The following OTUD7B variants were observed in gnomAD, a reference collection of about 807,000 sequenced individuals.
OTUD7B encodes the protein OTU deubiquitinase 7B.
In OTUD7B, 34 loss-of-function variants were observed where a neutral mutation model predicts 82.2. The ratio of observed to expected loss-of-function variants is 0.41; its 90% CI spans 0.31 to 0.55. The LOEUF (loss-of-function observed/expected upper bound fraction) is 0.55, where lower values mean the gene tolerates loss of function less well. Among genes scored for constraint, OTUD7B ranks in the 20% least tolerant of loss-of-function variants. OTUD7B has a pLI of 0.20. For missense variants in OTUD7B, 944 were observed against 1,062.1 expected (o/e 0.89, Z 1.55); for synonymous variants, 398 against 402.7 (o/e 0.99, Z 0.14).
intron 4 of OTUD7B, among the ~76,000 whole-genome samples, chr1:149,966,481 C>T (rs1182195310): frequency 6.6e-6 from 1 of 152,132 alleles, no homozygotes; most frequent in Non-Finnish European, 1.5e-5. Context: ...CATGTCATCA[C>T]GTGTGGGGTG....
upstream of OTUD7B, among the ~76,000 whole-genome samples, chr1:150,014,792 T>C (rs1275774207): frequency 6.6e-6 from 1 of 152,072 alleles, no homozygotes; most frequent in Non-Finnish European, 1.5e-5. Flanking sequence ...GAGGTGAAGA[T>C]CAAATAGGAA....
At chr1:150,055,199 G>C in the OTUD7B span, among the ~76,000 whole-genome samples, 1 of 151,672 alleles carries the variant, frequency 6.6e-6, no homozygotes, top group Non-Finnish European at 1.5e-5. Context: ...CACCACGCCC[G>C]GCTAATTTTT....
chr1:149,987,232 A>G (rs782552800), intron 1 of OTUD7B, among the ~76,000 whole-genome samples: 1 of 152,224 alleles, frequency 6.6e-6, no homozygotes, highest in South Asian at 2.1e-4. Flanking sequence ...CTGACTCCAG[A>G]GAACATACGC....
At chr1:150,014,025 CGT>C (rs1559875038), upstream of OTUD7B, among the ~76,000 whole-genome samples, 12 of 109,368 alleles carry the variant, frequency 1.1e-4, no homozygotes, top group Non-Finnish European at 2.3e-4. Context: ...CACATATATA[CGT>C]ATATATACGT....
At chr1:150,027,414 C>T in the OTUD7B span, among the ~76,000 whole-genome samples, 1 of 151,972 alleles carries the variant, frequency 6.6e-6, no homozygotes. Context: ...GGTGACATCC[C>T]GTCTCTACTA....
At chr1:150,059,616 C>T in the OTUD7B span, among the ~76,000 whole-genome samples, 8 of 151,574 alleles carry the variant, frequency 5.3e-5, no homozygotes, top group South Asian at 2.1e-4. Flanking sequence ...ATGATCTGCC[C>T]GCCTCAGCCT....
At chr1:149,963,462 G>A (rs1056431040) in intron 6 of OTUD7B, 10 of 152,216 alleles carry the variant, frequency 6.6e-5, no homozygotes, top group African/African-American at 2.4e-4. Flanking sequence ...TGTTACTACT[G>A]TGCTGCTGGA....
chr1:150,032,953 G>A, the OTUD7B span, among the ~76,000 whole-genome samples: 27 of 152,152 alleles, frequency 1.8e-4, no homozygotes, highest in Non-Finnish European at 2.4e-4. Flanking sequence ...ACAACTGAAG[G>A]CATTTGAGTT....
the OTUD7B span, among the ~76,000 whole-genome samples, chr1:150,029,944 A>T: frequency 6.6e-6 from 1 of 152,126 alleles, no homozygotes. Context: ...TATCTAGAAG[A>T]GCCCAGGTCC....
rs1553771491 is a variant in OTUD7B, at chr1:149,944,533, T to C, written c.1856A>G (p.His619Arg). 1.2e-6 allele frequency: 2 copies of C among 1,614,128 alleles called. No homozygotes were observed. The highest frequency in any genetic ancestry group is 2.7e-5 in the African/African-American group (2 of 75,038). Residue 619 changes from histidine (H) to arginine (R), a missense_variant, in exon 12 of 12, where the codon CAC (histidine) becomes CGC (arginine). Physicochemically the swap from His to Arg is conservative, Grantham distance 29. Transcript: ENST00000581312. ...FIFVGTLKMG[H>R]RHQYQEEMIQ... Reference sequence around the variant, plus strand: ...CATTTCCTCCTGATACTGGTGACGGTGACCCATCTTCAGGGTTCCAACAAA... The same window carrying C: ...CATTTCCTCCTGATACTGGTGACGGCGACCCATCTTCAGGGTTCCAACAAA...
the OTUD7B span, among the ~76,000 whole-genome samples, chr1:150,057,800 T>C: frequency 6.6e-6 from 1 of 152,242 alleles, no homozygotes; most frequent in African/African-American, 2.4e-5. Context: ...CTTTTCATTA[T>C]CATAATGTTT....
chr1:150,019,948 G>A, the OTUD7B span, among the ~76,000 whole-genome samples: 1 of 151,618 alleles, frequency 6.6e-6, no homozygotes, highest in African/African-American at 2.4e-5. Flanking sequence ...ACCAACCTGG[G>A]CAATGTAGTG....
chr1:149,959,537 A>G (rs893145376), intron 7 of OTUD7B, 147 bp downstream of exon 7: 1 of 619,898 alleles, frequency 1.6e-6, no homozygotes, highest in South Asian at 2.0e-5. Flanking sequence ...TAAACATATC[A>G]TGTTGTTACA....
chr1:149,977,793 A>G (rs1456833885), intron 1 of OTUD7B, among the ~76,000 whole-genome samples: 1 of 152,226 alleles, frequency 6.6e-6, no homozygotes, highest in East Asian at 1.9e-4. Context: ...AACCTGTAAT[A>G]CCACTCTGAA....
At chr1:150,023,519 A>C in the OTUD7B span, among the ~76,000 whole-genome samples, 1 of 152,216 alleles carries the variant, frequency 6.6e-6, no homozygotes, top group Non-Finnish European at 1.5e-5. Flanking sequence ...GGCTAAGTGA[A>C]GTGAGTCAGG....
At chr1:149,950,785 TTTTGTTTTTTTTTC>T (rs1349033496) in intron 7 of OTUD7B, among the ~76,000 whole-genome samples, 2 of 176 alleles carry the variant, frequency 0.011, no homozygotes, top group Non-Finnish European at 0.022. Context: ...CCCGTGTGTT[TTTTGTTTTTTTTTC>T]TTTTTTTTTT....
the OTUD7B span, among the ~76,000 whole-genome samples, chr1:150,065,156 C>T: frequency 6.6e-6 from 1 of 151,806 alleles, no homozygotes; most frequent in South Asian, 2.1e-4. Flanking sequence ...ACTGTAACCT[C>T]AACCTCCTGG....
At chr1:149,950,460 C>A (rs1648104285) in intron 7 of OTUD7B, among the ~76,000 whole-genome samples, 1 of 152,156 alleles carries the variant, frequency 6.6e-6, no homozygotes, top group South Asian at 2.1e-4. Context: ...AGGGTTAAAG[C>A]AGTGTTAGGA....
the OTUD7B span, among the ~76,000 whole-genome samples, chr1:150,056,504 GACTACTTGTAT>G: frequency 6.6e-6 from 1 of 152,078 alleles, no homozygotes; most frequent in Non-Finnish European, 1.5e-5. Flanking sequence ...CTAGGCTAAA[GACTACTTGTAT>G]TATCTCAATT....
Sources: allele counts gnomAD v4.1 joint callset (sites outside exome capture counted in the v4.1 genomes callset), GRCh38; gene constraint gnomAD v4.1.1; transcripts MANE v1.5; gene names NCBI Gene and HGNC (gene_info 2026-07-23, HGNC 2026-07-21).